The following NAA11 variants were observed in gnomAD, a reference collection of about 807,000 sequenced individuals.
NAA11 encodes the protein N-alpha-acetyltransferase 11, NatA catalytic subunit, also known as N-alpha-acetyltransferase 11.
NAA11 carries 15 observed loss-of-function variants against 16.1 expected under a neutral mutation model. That is an observed-to-expected ratio of 0.93 (90% confidence interval 0.62 to 1.44). The LOEUF (loss-of-function observed/expected upper bound fraction) is 1.44. Ranked by LOEUF, NAA11 falls within the 40% of genes most tolerant of loss-of-function variation. NAA11 has a pLI of 0.00. For missense variants in NAA11, 298 were observed against 291.3 expected, an observed-to-expected ratio of 1.02 and a Z score of -0.17; for synonymous variants, 122 against 112.4, an observed-to-expected ratio of 1.09 and a Z score of -0.54.
chr4:79,189,400 T>C, the NAA11 span, among the ~76,000 whole-genome samples: 1 of 151,944 alleles, frequency 6.6e-6, no homozygotes, highest in Admixed American at 6.6e-5. Context: ...CAATAGGAAG[T>C]GAGGAAAAAA....
chr4:79,165,349 C>T, the NAA11 span, among the ~76,000 whole-genome samples: 1 of 152,172 alleles, frequency 6.6e-6, no homozygotes, highest in African/African-American at 2.4e-5. Flanking sequence ...AGCCCCTCCT[C>T]CCATCCCCTC....
chr4:79,303,401 C>T (rs1057107083), intron 1 of NAA11, among the ~76,000 whole-genome samples: 1 of 151,948 alleles, frequency 6.6e-6, no homozygotes, highest in Non-Finnish European at 1.5e-5. Context: ...TCACTGCAGC[C>T]TCAAACTCCA....
the NAA11 span, among the ~76,000 whole-genome samples, chr4:79,220,655 T>G: frequency 7.9e-5 from 12 of 152,284 alleles, no homozygotes; most frequent in Non-Finnish European, 1.3e-4. Context: ...TTTTCTAAAT[T>G]ACAACACCAA....
At chr4:79,231,910 A>G (rs1355543330) in intron 2 of NAA11, among the ~76,000 whole-genome samples, 1 of 151,630 alleles carries the variant, frequency 6.6e-6, no homozygotes, top group East Asian at 1.9e-4. Context: ...ACACACATAT[A>G]TGTATATACA....
chr4:79,311,539 C>CATAG (rs891797133), intron 1 of NAA11, among the ~76,000 whole-genome samples: 10 of 152,140 alleles, frequency 6.6e-5, no homozygotes, highest in African/African-American at 2.4e-4. Flanking sequence ...TCATGGCGCT[C>CATAG]CTATTAGCCT....
chr4:79,311,944 G>C (rs1279936792), downstream of NAA11, among the ~76,000 whole-genome samples: 2 of 152,210 alleles, frequency 1.3e-5, no homozygotes, highest in African/African-American at 2.4e-5. Flanking sequence ...AGTTCCATAT[G>C]TATGCCTTTC....
chr4:79,318,727 C>G (rs927836741), intron 1 of NAA11, among the ~76,000 whole-genome samples: 2 of 152,074 alleles, frequency 1.3e-5, no homozygotes, highest in Non-Finnish European at 2.9e-5. Flanking sequence ...TCATCATTGC[C>G]TTTTTCATTT....
chr4:79,198,726 A>G, the NAA11 span, among the ~76,000 whole-genome samples: 1 of 151,944 alleles, frequency 6.6e-6, no homozygotes, highest in African/African-American at 2.4e-5. Context: ...TGATTTCAAC[A>G]GTTTTGGAAT....
intron 2 of NAA11, among the ~76,000 whole-genome samples, chr4:79,239,910 G>T (rs1184396148): frequency 2.0e-5 from 3 of 152,160 alleles, no homozygotes; most frequent in Non-Finnish European, 4.4e-5. Context: ...TGATGTCAGT[G>T]ATGGAGGTGT....
At position 79,243,890 on chromosome 4, in the gene NAA11, G is replaced by C. The variant is rs144685102; in HGVS notation, c.*123-17620C>G. 9.2e-3 allele frequency among the ~76,000 whole-genome samples: 1,401 copies of C among 152,330 alleles called. 13 individuals are homozygous for C. Among genetic ancestry groups the C allele is most frequent in the Middle Eastern group, 0.02 (6 of 294 alleles). On this transcript the variant is annotated intron_variant and NMD_transcript_variant, in intron 2 of 2. Transcript: ENST00000511542. Reference sequence around the variant, plus strand: ...CTCGATCCTGGGACTTTATGGGCTGGCCTCTTTCCCATGATTCTTCCCTTA... The same window carrying C: ...CTCGATCCTGGGACTTTATGGGCTGCCCTCTTTCCCATGATTCTTCCCTTA...
the NAA11 span, among the ~76,000 whole-genome samples, chr4:79,186,456 T>C: frequency 6.6e-6 from 1 of 152,160 alleles, no homozygotes; most frequent in African/African-American, 2.4e-5. Flanking sequence ...TGTAAAGACT[T>C]TGGGGACAAG....
At chr4:79,297,421 G>A (rs750868920) in intron 1 of NAA11, among the ~76,000 whole-genome samples, 1 of 152,174 alleles carries the variant, frequency 6.6e-6, no homozygotes, top group Non-Finnish European at 1.5e-5. Flanking sequence ...ACTCCATGGA[G>A]TGGGCGAGAG....
chr4:79,269,885 T>G (rs1722450040), intron 2 of NAA11, among the ~76,000 whole-genome samples: 1 of 151,528 alleles, frequency 6.6e-6, no homozygotes, highest in Non-Finnish European at 1.5e-5. Context: ...TTGTATAAGG[T>G]GTAAGGAAGG....
intron 1 of NAA11, among the ~76,000 whole-genome samples, chr4:79,303,351 G>T (rs1385560277): frequency 6.6e-6 from 1 of 151,778 alleles, no homozygotes; most frequent in Non-Finnish European, 1.5e-5. Context: ...TAGGGGTCTT[G>T]CTCTGTCGCT....
the NAA11 span, among the ~76,000 whole-genome samples, chr4:79,173,348 G>A: frequency 1.3e-5 from 2 of 151,900 alleles, no homozygotes; most frequent in South Asian, 2.1e-4. Context: ...GGTACTCTAC[G>A]GTTGGCACCA....
At chr4:79,274,025 G>A (rs1049930725) in intron 2 of NAA11, among the ~76,000 whole-genome samples, 6 of 152,058 alleles carry the variant, frequency 3.9e-5, no homozygotes, top group Admixed American at 2.0e-4. Context: ...GAACAGAGAT[G>A]CAGAAGGGAA....
chr4:79,285,667 TCTC>T, intron 2 of NAA11, among the ~76,000 whole-genome samples: 1 of 152,082 alleles, frequency 6.6e-6, no homozygotes, highest in East Asian at 1.9e-4. Flanking sequence ...TCATGATCAC[TCTC>T]CTTTCATTAA....
chr4:79,252,133 T>C (rs1460375572), intron 2 of NAA11, among the ~76,000 whole-genome samples: 3 of 152,094 alleles, frequency 2.0e-5, no homozygotes, highest in Admixed American at 2.0e-4. Context: ...AGCTAAACAA[T>C]GGGTTGCATG....
chr4:79,311,717 G>A (rs1440629295), downstream of NAA11, among the ~76,000 whole-genome samples: 2 of 152,144 alleles, frequency 1.3e-5, no homozygotes, highest in African/African-American at 4.8e-5. Context: ...CAATGCAGTT[G>A]AGGCAATGAT....
Sources: allele counts gnomAD v4.1 joint callset (sites outside exome capture counted in the v4.1 genomes callset), GRCh38; gene constraint gnomAD v4.1.1; transcripts MANE v1.5; gene names NCBI Gene and HGNC (gene_info 2026-07-23, HGNC 2026-07-21).